PEX7: variants seen among roughly 807,000 people sequenced by gnomAD.
The protein encoded by PEX7 is peroxisomal biogenesis factor 7, also known as PTS2 receptor.
PEX7 carries 34 observed loss-of-function variants against 47.5 expected under a neutral mutation model. The ratio of observed to expected loss-of-function variants is 0.72; its 90% CI spans 0.54 to 0.95. PEX7 has a LOEUF of 0.95. PEX7 is among the 40% of genes least tolerant of loss of function. The probability of loss-of-function intolerance (pLI) is 0.00; values close to 1 mark genes in which losing one functional copy is unlikely to be tolerated. For missense variants in PEX7, 394 were observed against 400.3 expected (o/e 0.98, Z 0.13); for synonymous variants, 141 against 148.8 (o/e 0.95, Z 0.38).
chr6:136,868,239 A>G (rs551984698), intron 6 of PEX7, among the ~76,000 whole-genome samples: 3 of 152,172 alleles, frequency 2.0e-5, no homozygotes, highest in South Asian at 2.1e-4. Flanking sequence ...GAAATTGCCT[A>G]ATGCCACATT....
chr6:136,889,256 G>C (rs1442533456), intron 8 of PEX7, among the ~76,000 whole-genome samples: 1 of 152,062 alleles, frequency 6.6e-6, no homozygotes, highest in African/African-American at 2.4e-5. Flanking sequence ...TGTAAGTTAA[G>C]TACCAGATGA....
intron 3 of PEX7, among the ~76,000 whole-genome samples, chr6:136,839,555 A>G (rs939298603): frequency 4.6e-5 from 7 of 152,208 alleles, no homozygotes; most frequent in Admixed American, 6.5e-5. Context: ...TAATTTAATC[A>G]GATAGGCCTC....
In PEX7 at chr6:136,872,237, TATG is replaced by T. The variant is rs1418778915; in HGVS notation, c.790_792del (p.Asp264del). ...TGCTTCTGTGCTGGCCTCTTGCTCG[TATG>T]ATTTTACTGTAAGGTACAGTGGTTT... On this transcript the variant is annotated inframe_deletion, in exon 8 of 10. Coordinates refer to ENST00000318471, the MANE Select transcript of PEX7 (RefSeq NM_000288.4). 6.2e-7 allele frequency: 1 copy of T among 1,610,560 alleles called. No individual in the cohort carries two copies. Among genetic ancestry groups the T allele is most frequent in the Admixed American group, 1.7e-5 (1 of 59,936 alleles).
intron 8 of PEX7, among the ~76,000 whole-genome samples, chr6:136,890,290 G>C (rs1383105918): frequency 6.6e-6 from 1 of 152,168 alleles, no homozygotes; most frequent in Non-Finnish European, 1.5e-5. Context: ...GTGTAAAACA[G>C]AAACCATCCT....
At chr6:136,876,585 C>T (rs1381774736) in intron 8 of PEX7, among the ~76,000 whole-genome samples, 10 of 152,084 alleles carry the variant, frequency 6.6e-5, no homozygotes, top group South Asian at 2.1e-4. Context: ...TGAGAACACG[C>T]GGTGTTCGGT....
At position 136,860,534 on chromosome 6, in the gene PEX7, G is replaced by A. The variant is rs369930402; in HGVS notation, c.527-6093G>A. ...GCCTGTTGTGGGGTGGGGGAAGGCG[G>A]GAGGGATAGCATTAGGAGATATACC... On this transcript the variant is annotated intron_variant, in intron 5 of 9. Coordinates refer to ENST00000318471, the MANE Select transcript of PEX7 (RefSeq NM_000288.4). Among the ~76,000 whole-genome samples, 253 of 151,488 alleles carry A rather than the reference G, an allele frequency of 1.7e-3. 2 individuals carry two copies. The highest frequency in any genetic ancestry group is 6.0e-3 in the African/African-American group (248 of 41,258).
At chr6:136,907,581 G>A (rs144623924) in intron 9 of PEX7, among the ~76,000 whole-genome samples, 1 of 151,844 alleles carries the variant, frequency 6.6e-6, no homozygotes, top group East Asian at 1.9e-4. Context: ...ACAGTAGATT[G>A]AACAAGTTTC....
intron 2 of PEX7, among the ~76,000 whole-genome samples, chr6:136,826,058 T>C (rs1774183472): frequency 6.6e-6 from 1 of 152,156 alleles, no homozygotes; most frequent in Non-Finnish European, 1.5e-5. Context: ...TAAAAAAATG[T>C]GGAGCAGTAT....
At chr6:136,827,479 A>G (rs1774215238) in intron 3 of PEX7, among the ~76,000 whole-genome samples, 1 of 150,992 alleles carries the variant, frequency 6.6e-6, no homozygotes. Flanking sequence ...CAAAATTCAG[A>G]TACTTTTGTG....
chr6:136,912,601 A>G (rs796483748), intron 9 of PEX7, among the ~76,000 whole-genome samples: 8 of 152,244 alleles, frequency 5.3e-5, no homozygotes, highest in African/African-American at 1.9e-4. Flanking sequence ...CTAATCCTGC[A>G]CAGTCTTGAT....
At chr6:136,830,507 G>A (rs572074235) in intron 3 of PEX7, among the ~76,000 whole-genome samples, 33 of 152,316 alleles carry the variant, frequency 2.2e-4, no homozygotes, top group African/African-American at 7.0e-4. Context: ...ACCTAGCATC[G>A]AAGTAGGAAT....
intron 3 of PEX7, among the ~76,000 whole-genome samples, chr6:136,829,407 G>T (rs1774253498): frequency 6.6e-6 from 1 of 152,064 alleles, no homozygotes; most frequent in African/African-American, 2.4e-5. Context: ...AGAGAGGTTT[G>T]GGAAATCCCT....
At chr6:136,845,913 C>T (rs1442543645) in intron 4 of PEX7, among the ~76,000 whole-genome samples, 160 bp from the exon 5 acceptor site, 4 of 152,114 alleles carry the variant, frequency 2.6e-5, no homozygotes, top group African/African-American at 9.7e-5. Flanking sequence ...TAAATACAGT[C>T]TTGCTTTATA....
At chr6:136,848,281 T>C (rs1373975898) in intron 5 of PEX7, among the ~76,000 whole-genome samples, 2 of 152,216 alleles carry the variant, frequency 1.3e-5, no homozygotes, top group Non-Finnish European at 2.9e-5. Context: ...AATCATGTCA[T>C]CTGCAAACAG....
chr6:136,885,363 C>A (rs1023641974), intron 8 of PEX7, among the ~76,000 whole-genome samples: 1 of 151,992 alleles, frequency 6.6e-6, no homozygotes, highest in African/African-American at 2.4e-5. Flanking sequence ...AATAATAAGC[C>A]AGACCAAGCA....
At chr6:136,854,677 T>A (rs78001395) in intron 5 of PEX7, among the ~76,000 whole-genome samples, 2,625 of 152,268 alleles carry the variant, frequency 0.017, 79 homozygotes, top group African/African-American at 0.06. Context: ...TGAATTAGAT[T>A]GACATTAGCA....
chr6:136,831,149 T>G (rs1202122162), intron 3 of PEX7, among the ~76,000 whole-genome samples: 1 of 152,180 alleles, frequency 6.6e-6, no homozygotes, highest in Admixed American at 6.5e-5. Context: ...GGAAAGAGGT[T>G]TAATTGACTC....
At chr6:136,854,464 G>A (rs1774823243) in intron 5 of PEX7, among the ~76,000 whole-genome samples, 1 of 152,210 alleles carries the variant, frequency 6.6e-6, no homozygotes, top group Non-Finnish European at 1.5e-5. Flanking sequence ...TGGGATTACA[G>A]GTGTGAGCTA....
At chr6:136,827,241 G>A (rs1222973102) in intron 3 of PEX7, among the ~76,000 whole-genome samples, 1 of 152,070 alleles carries the variant, frequency 6.6e-6, no homozygotes, top group Non-Finnish European at 1.5e-5. Flanking sequence ...GTTATGTGAG[G>A]GGTCCAGATG....
Sources: allele counts gnomAD v4.1 joint callset (sites outside exome capture counted in the v4.1 genomes callset), GRCh38; gene constraint gnomAD v4.1.1; transcripts MANE v1.5; gene names NCBI Gene and HGNC (gene_info 2026-07-23, HGNC 2026-07-21).